Variants in CD226 observed in about 807,000 individuals in gnomAD.
The protein encoded by CD226 is CD226 molecule.
Under a neutral mutation model 34.9 loss-of-function variants are expected in CD226, and 24 were observed. The observed-to-expected ratio is 0.69, with a 90% CI of 0.50 to 0.97. CD226 has a LOEUF of 0.97. Ranked by LOEUF, CD226 falls within the 50% of genes least tolerant of loss-of-function variation. CD226 has a pLI of 0.00. For missense variants in CD226, 397 were observed against 412.7 expected, an observed-to-expected ratio of 0.96 and a Z score of 0.33; for synonymous variants, 148 against 147.4, an observed-to-expected ratio of 1.00 and a Z score of -0.03.
In CD226 at chr18:69,864,255, A is replaced by T; in HGVS notation, c.*59T>A. 6.4e-7 allele frequency: 1 copy of T among 1,567,110 alleles called. No individual in the cohort carries two copies. The highest frequency in any genetic ancestry group is 8.7e-7 in the Non-Finnish European group (1 of 1,145,288). On this transcript the variant is annotated 3_prime_UTR_variant, in exon 6 of 6. Transcript: ENST00000582621. The stretch of plus-strand genomic sequence containing the variant: ...CTTGGGTAGTGGAAAAAAATTGCAT[A>T]AAGATCCATGCATGAGTACATAAGA...
At chr18:69,905,477 G>A (rs1021085253) in intron 2 of CD226, among the ~76,000 whole-genome samples, 3 of 152,274 alleles carry the variant, frequency 2.0e-5, no homozygotes, top group Admixed American at 2.0e-4. Context: ...AGAGAGGAGA[G>A]CCCAGAACTA....
At chr18:69,880,282 A>G (rs1984143864) in intron 3 of CD226, among the ~76,000 whole-genome samples, 1 of 148,568 alleles carries the variant, frequency 6.7e-6, no homozygotes, top group African/African-American at 2.5e-5. Flanking sequence ...GAGGGAAGGG[A>G]AGGGAAGGGA....
At chr18:69,946,050 G>A (rs1398971494) in intron 2 of CD226, among the ~76,000 whole-genome samples, 3 of 151,740 alleles carry the variant, frequency 2.0e-5, no homozygotes, top group African/African-American at 2.4e-5. Context: ...ATCACGTGGC[G>A]GTGCACACCT....
chr18:69,879,191 A>C (rs2145203996), intron 3 of CD226, among the ~76,000 whole-genome samples: 1 of 152,314 alleles, frequency 6.6e-6, no homozygotes, highest in Admixed American at 6.5e-5. Context: ...TTTCAGGAAC[A>C]CACTGTCACT....
At chr18:69,912,328 G>A (rs886857509) in intron 2 of CD226, among the ~76,000 whole-genome samples, 1 of 152,204 alleles carries the variant, frequency 6.6e-6, no homozygotes, top group Non-Finnish European at 1.5e-5. Context: ...TAAAATGGTT[G>A]AGCCTTCTTA....
intron 4 of CD226, among the ~76,000 whole-genome samples, chr18:69,871,174 T>C (rs918050479): frequency 6.6e-6 from 1 of 152,180 alleles, no homozygotes; most frequent in Non-Finnish European, 1.5e-5. Flanking sequence ...CTTAGTCACA[T>C]TTGCCCGGTT....
intron 3 of CD226, among the ~76,000 whole-genome samples, chr18:69,888,514 G>A (rs1568170807): frequency 6.6e-6 from 1 of 151,232 alleles, no homozygotes; most frequent in South Asian, 2.1e-4. Flanking sequence ...TAATTCTTGG[G>A]CTCAAGGACT....
At chr18:69,900,592 CGCGG>C (rs1568180528) in intron 2 of CD226, among the ~76,000 whole-genome samples, 3 of 150,728 alleles carry the variant, frequency 2.0e-5, no homozygotes, top group Non-Finnish European at 4.4e-5. Flanking sequence ...ATTAGCCGGG[CGCGG>C]TGGCGGGCGC....
rs34253062 is a variant in CD226, at chr18:69,872,409, G to GT, written c.830+734dup. 5.2e-3 allele frequency among the ~76,000 whole-genome samples: 783 copies of GT among 151,876 alleles called. 8 individuals are homozygous for GT. Among genetic ancestry groups the GT allele is most frequent in the African/African-American group, 0.014 (568 of 41,338 alleles). On this transcript the variant is annotated intron_variant, in intron 4 of 5. Transcript: ENST00000582621. Reference sequence around the variant, plus strand: ...CAACTGTGCTACAATACAGTAAAAGGTTTTTTTAATTTTTAATTTTTGTTA... The same window carrying GT: ...CAACTGTGCTACAATACAGTAAAAGGTTTTTTTTAATTTTTAATTTTTGTTA...
At chr18:69,958,558 G>T (rs180999597), upstream of CD226, among the ~76,000 whole-genome samples, 9 of 152,254 alleles carry the variant, frequency 5.9e-5, no homozygotes, top group Admixed American at 5.9e-4. Flanking sequence ...GGGCCCTGAA[G>T]TGAACCTCAC....
At chr18:69,913,138 T>C (rs1189899628) in intron 2 of CD226, among the ~76,000 whole-genome samples, 1 of 152,116 alleles carries the variant, frequency 6.6e-6, no homozygotes, top group Non-Finnish European at 1.5e-5. Context: ...GGATGCGCCG[T>C]CATACCTGCC....
At chr18:69,868,138 G>C (rs1983264311) in intron 4 of CD226, among the ~76,000 whole-genome samples, 2 of 152,182 alleles carry the variant, frequency 1.3e-5, no homozygotes, top group Non-Finnish European at 2.9e-5. Flanking sequence ...AATCATAGAA[G>C]AGAAAATACC....
Position 69,855,438 on chromosome 18 carries a change from C to CCAATAGAAA in CD226, c.*8867_*8875dup, listed in dbSNP as rs1471983024. 9 of 151,964 alleles carry CCAATAGAAA rather than the reference C, an allele frequency of 5.9e-5. No homozygotes were observed. Among genetic ancestry groups the CCAATAGAAA allele is most frequent in the Non-Finnish European group, 1.3e-4 (9 of 67,976 alleles). 9.4% of individuals were successfully genotyped at this position (151,964 alleles called of 1,614,324 possible). The stretch of plus-strand genomic sequence containing the variant: ...AAGAATGAATGACTTTGAAGCTAGG[C>CCAATAGAAA]CAATAGAAACTTTTCAAACTAAAAT... On this transcript the variant is annotated 3_prime_UTR_variant, in exon 6 of 6. Transcript: ENST00000582621.
At chr18:69,930,556 T>C (rs1038942030) in intron 2 of CD226, among the ~76,000 whole-genome samples, 1 of 152,004 alleles carries the variant, frequency 6.6e-6, no homozygotes, top group Non-Finnish European at 1.5e-5. Flanking sequence ...TTGAACCTCA[T>C]ACAACACGAA....
chr18:69,950,157 C>T (rs1005679886), upstream of CD226, among the ~76,000 whole-genome samples: 6 of 46,568 alleles, frequency 1.3e-4, no homozygotes, highest in South Asian at 9.1e-3. Flanking sequence ...TGCATCTGCA[C>T]GTACTCTCAA....
At chr18:69,951,950 T>C (rs1449534922), upstream of CD226, among the ~76,000 whole-genome samples, 1 of 152,186 alleles carries the variant, frequency 6.6e-6, no homozygotes, top group African/African-American at 2.4e-5. Context: ...AAAGAAATCA[T>C]TATATTAAAA....
intron 2 of CD226, among the ~76,000 whole-genome samples, chr18:69,904,423 G>A (rs1192564463): frequency 1.3e-5 from 2 of 152,218 alleles, no homozygotes; most frequent in East Asian, 1.9e-4. Context: ...GAGACCACCG[G>A]CCTCCCCAGC....
At chr18:69,911,165 G>A (rs1176619373) in intron 2 of CD226, among the ~76,000 whole-genome samples, 3 of 152,170 alleles carry the variant, frequency 2.0e-5, no homozygotes, top group Non-Finnish European at 4.4e-5. Flanking sequence ...ATAGGTCCAT[G>A]TTGGCACATG....
chr18:69,958,202 T>G (rs913179900), upstream of CD226, among the ~76,000 whole-genome samples: 3 of 152,216 alleles, frequency 2.0e-5, no homozygotes, highest in African/African-American at 7.2e-5. Context: ...CATTTTTTAC[T>G]AGAGCCTGAC....
Sources: allele counts gnomAD v4.1 joint callset (sites outside exome capture counted in the v4.1 genomes callset), GRCh38; gene constraint gnomAD v4.1.1; transcripts MANE v1.5; gene names NCBI Gene and HGNC (gene_info 2026-07-23, HGNC 2026-07-21).